Variants in ANKH observed in about 807,000 individuals in gnomAD.
The protein encoded by ANKH is mineralization regulator ANKH.
Under a neutral mutation model 49.0 loss-of-function variants are expected in ANKH, and 15 were observed. The observed-to-expected ratio is 0.31, with a 90% CI of 0.20 to 0.47. ANKH has a LOEUF of 0.47. ANKH is among the 20% of genes least tolerant of loss of function. The pLI is 1.00. For missense variants in ANKH, 429 were observed against 652.0 expected (o/e 0.66, Z 3.72); for synonymous variants, 273 against 260.0 (o/e 1.05, Z -0.48).
At chr5:14,712,216 A>C (rs1737242823) in intron 11 of ANKH, among the ~76,000 whole-genome samples, 1 of 152,214 alleles carries the variant, frequency 6.6e-6, no homozygotes, top group Admixed American at 6.5e-5. Flanking sequence ...GATGCACGTC[A>C]CGCACCGTGA....
chr5:14,838,860 C>A (rs1184971733), intron 1 of ANKH, among the ~76,000 whole-genome samples: 1 of 152,108 alleles, frequency 6.6e-6, no homozygotes, highest in Non-Finnish European at 1.5e-5. Flanking sequence ...AAAAACCCAG[C>A]CAAGTCCCTC....
At chr5:14,744,221 C>T (rs1229570381) in intron 7 of ANKH, among the ~76,000 whole-genome samples, 1 of 152,236 alleles carries the variant, frequency 6.6e-6, no homozygotes, top group Non-Finnish European at 1.5e-5. Context: ...GCCTGTGAAG[C>T]AGGAACCAAA....
intron 1 of ANKH, among the ~76,000 whole-genome samples, chr5:14,793,035 A>AAAATATATATATAT (rs1561057858): frequency 4.4e-4 from 32 of 72,250 alleles, no homozygotes; most frequent in Non-Finnish European, 6.8e-4. Context: ...TATATATATA[A>AAAATATATATATAT]AAATATATAT....
At chr5:14,822,575 T>C (rs1741226907) in intron 1 of ANKH, among the ~76,000 whole-genome samples, 1 of 152,244 alleles carries the variant, frequency 6.6e-6, no homozygotes, top group Admixed American at 6.5e-5. Flanking sequence ...AAAATGGTAG[T>C]GGCCTTCATT....
At chr5:14,802,840 T>C (rs1373169746) in intron 1 of ANKH, among the ~76,000 whole-genome samples, 1 of 152,198 alleles carries the variant, frequency 6.6e-6, no homozygotes, top group Non-Finnish European at 1.5e-5. Flanking sequence ...GCATGTAAGC[T>C]GCCCATCATG....
chr5:14,738,624 C>A (rs1272660608), intron 8 of ANKH, among the ~76,000 whole-genome samples: 1 of 151,934 alleles, frequency 6.6e-6, no homozygotes, highest in Non-Finnish European at 1.5e-5. Flanking sequence ...TACGAAGTTT[C>A]AAAATTCAAA....
At chr5:14,750,917 C>G in intron 5 of ANKH, 152 bp downstream of exon 5, 1 of 876,546 alleles carries the variant, frequency 1.1e-6, no homozygotes, top group East Asian at 2.7e-5. Flanking sequence ...AACTGTCTTT[C>G]CCTGCAGACA....
chr5:14,786,708 G>C (rs1341925586), intron 1 of ANKH, among the ~76,000 whole-genome samples: 1 of 152,230 alleles, frequency 6.6e-6, no homozygotes, highest in Non-Finnish European at 1.5e-5. Context: ...GGAAATGTCA[G>C]ATAGTATTGG....
At chr5:14,735,607 C>T (rs752766383) in intron 8 of ANKH, among the ~76,000 whole-genome samples, 1 of 152,208 alleles carries the variant, frequency 6.6e-6, no homozygotes, top group Non-Finnish European at 1.5e-5. Context: ...TGAGCAGAGG[C>T]ACATGCCCTC....
chr5:14,733,377 A>T (rs1738066228), intron 8 of ANKH, among the ~76,000 whole-genome samples: 1 of 152,212 alleles, frequency 6.6e-6, no homozygotes. Context: ...CCTTTAAGAG[A>T]AAATGAAGAC....
At chr5:14,774,131 A>G (rs999969595) in intron 1 of ANKH, among the ~76,000 whole-genome samples, 24 of 152,288 alleles carry the variant, frequency 1.6e-4, no homozygotes, top group African/African-American at 5.1e-4. Flanking sequence ...CGTTTCCCCC[A>G]GTGTGTTCAC....
At chr5:14,796,489 A>C (rs1385671634) in intron 1 of ANKH, among the ~76,000 whole-genome samples, 117 of 151,522 alleles carry the variant, frequency 7.7e-4, no homozygotes, top group African/African-American at 2.5e-3. Context: ...AAAAAAAAAA[A>C]ACACCATTTC....
chr5:14,764,828 C>G (rs1313283049), intron 2 of ANKH, among the ~76,000 whole-genome samples: 2 of 152,216 alleles, frequency 1.3e-5, no homozygotes, highest in Non-Finnish European at 2.9e-5. Context: ...TGGAAGAGCA[C>G]AGGAACCTGC....
At chr5:14,852,093 A>G (rs575823919) in intron 1 of ANKH, among the ~76,000 whole-genome samples, 10 of 152,242 alleles carry the variant, frequency 6.6e-5, no homozygotes, top group African/African-American at 2.2e-4. Flanking sequence ...ACTAGCCTGG[A>G]CAACATAGCA....
chr5:14,758,583 C>T lies in ANKH; in HGVS notation c.329G>A (p.Gly110Glu), dbSNP rs2126495282. The change falls in exon 3 of 12, where the codon GGA becomes GAA. Residue 110 changes from glycine (G) to glutamate (E), a missense_variant. Gly to Glu is a moderately conservative substitution (Grantham distance 98). This residue lies in a region of ANKH where 378 missense variants were observed against 615.3 expected (regional missense o/e 0.61). Coordinates refer to ENST00000284268, the MANE Select transcript of ANKH (RefSeq NM_054027.6). ...GTGCAGTTTATTGATAATGTAGTAT[C>T]CTAAATCACTATAAGCTGCAAAGTG... The part of the protein sequence containing the change: ...FHTLIAYSDL[G>E]YYIINKLHHV... 1 of 1,612,100 alleles carries T rather than the reference C, an allele frequency of 6.2e-7. No individual in the cohort carries two copies. Among genetic ancestry groups the T allele is most frequent in the South Asian group, 1.1e-5 (1 of 91,064 alleles).
chr5:14,805,634 ATTTTTCT>A (rs1740689725), intron 1 of ANKH, among the ~76,000 whole-genome samples: 1 of 151,282 alleles, frequency 6.6e-6, no homozygotes, highest in Non-Finnish European at 1.5e-5. Context: ...AACTTGCCTT[ATTTTTCT>A]TAGTTACCTT....
At chr5:14,730,071 C>G (rs1181605048) in intron 8 of ANKH, among the ~76,000 whole-genome samples, 1 of 152,204 alleles carries the variant, frequency 6.6e-6, no homozygotes. Flanking sequence ...GTGATCCATG[C>G]TGGGTTCTAC....
In ANKH at chr5:14,770,448, A is replaced by T. The variant is rs1181043017; in HGVS notation, c.97-1257T>A. On this transcript the variant is annotated intron_variant, in intron 1 of 11. Transcript: ENST00000284268. This position sits in a 1 kb window ranked among gnomAD's most constrained non-coding sequence, Gnocchi z 4.1. ...ATACTATGTTTTTTCCTATATATAC[A>T]TACCTATGAGAAAGTTTAATTTATA... is the stretch of plus-strand genomic sequence containing the variant. 1.3e-5 allele frequency among the ~76,000 whole-genome samples: 2 copies of T among 152,212 alleles called. No homozygotes were observed. Among genetic ancestry groups the T allele is most frequent in the Non-Finnish European group, 2.9e-5 (2 of 68,036 alleles).
chr5:14,720,821 A>C (rs1445923162), intron 8 of ANKH, among the ~76,000 whole-genome samples: 1 of 152,248 alleles, frequency 6.6e-6, no homozygotes, highest in African/African-American at 2.4e-5. Context: ...AAATGTTGCA[A>C]TTCTCTAGGC....
Sources: gnomAD v4.1 joint callset for allele counts (sites outside exome capture counted in the v4.1 genomes callset) on GRCh38, gnomAD v4.1.1 for gene constraint, gnomAD v4.1.1 regional missense constraint, Gnocchi (gnomAD v3.1) non-coding constraint, MANE v1.5 for transcripts, NCBI Gene and HGNC (gene_info 2026-07-23, HGNC 2026-07-21) for gene names.